CLASP2: variants seen among roughly 807,000 people sequenced by gnomAD.
CLASP2 encodes the protein cytoplasmic linker associated protein 2, also known as CLIP-associating protein 2.
In CLASP2, 47 loss-of-function variants were observed where a neutral mutation model predicts 194.4. The ratio of observed to expected loss-of-function variants is 0.24; its 90% CI spans 0.19 to 0.31. The LOEUF is 0.31. CLASP2 is among the 10% of genes least tolerant of loss of function. The pLI, the probability that CLASP2 is intolerant of heterozygous loss-of-function variation, is 1.00. For synonymous variants in CLASP2, 619 were observed against 633.5 expected (o/e 0.98, Z 0.34); for missense variants, 1,445 against 1,823.6 (o/e 0.79, Z 3.78).
intron 36 of CLASP2, among the ~76,000 whole-genome samples, chr3:33,514,244 C>T (rs1338466277): frequency 6.6e-6 from 1 of 152,178 alleles, no homozygotes; most frequent in Non-Finnish European, 1.5e-5. Context: ...TGCTTGGCCT[C>T]CCAAAGTGCT....
intron 34 of CLASP2, 92 bp from the exon 35 acceptor site, chr3:33,517,266 T>C: frequency 2.2e-6 from 2 of 929,682 alleles, no homozygotes; most frequent in East Asian, 2.9e-5. Context: ...AACACAGATA[T>C]AACCATCATG....
intron 7 of CLASP2, among the ~76,000 whole-genome samples, chr3:33,650,647 G>C (rs2154318435): frequency 6.6e-6 from 1 of 152,058 alleles, no homozygotes; most frequent in East Asian, 1.9e-4. Context: ...AGGAGAGGGA[G>C]AAGAGATGAA....
intron 7 of CLASP2, among the ~76,000 whole-genome samples, chr3:33,646,744 T>C (rs1243219913): frequency 6.6e-6 from 1 of 152,144 alleles, no homozygotes; most frequent in African/African-American, 2.4e-5. Flanking sequence ...CAGCAAAGTA[T>C]ACAAATCATA....
intron 7 of CLASP2, chr3:33,645,427 A>C: frequency 2.7e-6 from 2 of 733,960 alleles, no homozygotes; most frequent in African/African-American, 1.7e-5. Context: ...AGACAGAAAC[A>C]ACCACAGAAC....
At chr3:33,652,389 C>T (rs186340942) in intron 7 of CLASP2, among the ~76,000 whole-genome samples, 19 of 152,294 alleles carry the variant, frequency 1.2e-4, no homozygotes, top group African/African-American at 4.1e-4. Flanking sequence ...AACTATTATA[C>T]CACAGATACC....
intron 37 of CLASP2, chr3:33,503,989 G>A (rs925288109): frequency 6.6e-6 from 1 of 152,148 alleles, no homozygotes; most frequent in African/African-American, 2.4e-5. Context: ...TGAAGAAATA[G>A]CTATTCAAGT....
At chr3:33,612,174 C>A (rs1305329875) in intron 12 of CLASP2, 103 bp from the exon 13 acceptor site, 2 of 678,056 alleles carry the variant, frequency 2.9e-6, no homozygotes, top group South Asian at 2.0e-5. Flanking sequence ...TACAAGAGGA[C>A]AAAAAGACCA....
intron 7 of CLASP2, among the ~76,000 whole-genome samples, chr3:33,660,175 T>A (rs1453397712): frequency 6.6e-6 from 1 of 152,162 alleles, no homozygotes; most frequent in African/African-American, 2.4e-5. Flanking sequence ...AGTGTTTACA[T>A]CCTTGGTTTG....
chr3:33,626,385 A>C (rs1011194708), intron 10 of CLASP2, among the ~76,000 whole-genome samples: 33 of 152,160 alleles, frequency 2.2e-4, no homozygotes, highest in African/African-American at 7.2e-4. Context: ...TAAGTTCACA[A>C]ATTTAAAAAA....
At chr3:33,576,328 T>C (rs577970997) in intron 23 of CLASP2, 53 bp from the exon 24 acceptor site, 13 of 1,440,752 alleles carry the variant, frequency 9.0e-6, no homozygotes, top group East Asian at 2.3e-5. Flanking sequence ...AATATAACAG[T>C]GTCAGGTTGG....
chr3:33,710,891 C>G (rs561703522), intron 1 of CLASP2, among the ~76,000 whole-genome samples: 2 of 151,902 alleles, frequency 1.3e-5, no homozygotes, highest in African/African-American at 4.8e-5. Flanking sequence ...GCTGAGATCA[C>G]GCCACTGCAC....
intron 11 of CLASP2, 143 bp from the exon 12 acceptor site, chr3:33,619,881 A>G: frequency 1.5e-6 from 1 of 673,166 alleles, no homozygotes; most frequent in Non-Finnish European, 2.2e-6. Flanking sequence ...CAGAAGAAAG[A>G]AAGGGAAACC....
intron 3 of CLASP2, among the ~76,000 whole-genome samples, chr3:33,689,203 G>A (rs1385857918): frequency 2.6e-5 from 4 of 151,514 alleles, no homozygotes; most frequent in Non-Finnish European, 5.9e-5. Flanking sequence ...TTAAATGTGA[G>A]TAACCTGACT....
intron 17 of CLASP2, among the ~76,000 whole-genome samples, chr3:33,603,699 T>G (rs187020344): frequency 0.019 from 2,929 of 152,274 alleles, 53 homozygotes; most frequent in African/African-American, 0.045. Flanking sequence ...CTCGACTCAC[T>G]GCAACCTCCA....
At position 33,696,353 on chromosome 3, in the gene CLASP2, CTTTTTTTTTT is replaced by C. The variant is rs962854814; in HGVS notation, c.274+492_274+501del. Among the ~76,000 whole-genome samples, 18 of 52,738 alleles carry C rather than the reference CTTTTTTTTTT, an allele frequency of 3.4e-4. No individual in the cohort carries two copies. The Admixed American group carries it at 4.3e-3, about 12-fold the overall frequency. The allele number at this position is 52,738 out of a possible 152,430, so 34.6% of individuals were successfully genotyped here. On this transcript the variant is annotated intron_variant, in intron 2 of 38. Coordinates refer to ENST00000682230, the MANE Select transcript of CLASP2 (RefSeq NM_001365631.1). ...CCAGTAAAAACAATTTTCTTTCTTT[CTTTTTTTTTT>C]TTTTTTTTTTTTTTTGCCTCAAAGG... is the stretch of plus-strand genomic sequence containing the variant.
chr3:33,531,993 C>G (rs1240294443), intron 34 of CLASP2, among the ~76,000 whole-genome samples: 1 of 152,118 alleles, frequency 6.6e-6, no homozygotes, highest in African/African-American at 2.4e-5. Context: ...ACAGAACTAC[C>G]ATATGATCCA....
chr3:33,680,330 C>A (rs1414305754), intron 6 of CLASP2, among the ~76,000 whole-genome samples: 3 of 152,186 alleles, frequency 2.0e-5, no homozygotes, highest in African/African-American at 2.4e-5. Context: ...CCAAGGGTCA[C>A]CCCTAGTGCA....
At chr3:33,577,058 A>G (rs142577250) in intron 23 of CLASP2, 1 of 462,474 alleles carries the variant, frequency 2.2e-6, no homozygotes, top group Non-Finnish European at 3.2e-6. Context: ...TTGGGAGAAA[A>G]GAAAAAAAAA....
At chr3:33,607,592 A>G (rs1008617922) in intron 14 of CLASP2, 131 bp from the exon 15 acceptor site, 1 of 556,360 alleles carries the variant, frequency 1.8e-6, no homozygotes, top group Non-Finnish European at 3.1e-6. Flanking sequence ...ATTAGTGTAC[A>G]ATAATAAATC....
Sources: allele counts gnomAD v4.1 joint callset (sites outside exome capture counted in the v4.1 genomes callset), GRCh38; gene constraint gnomAD v4.1.1; transcripts MANE v1.5; gene names NCBI Gene and HGNC (gene_info 2026-07-23, HGNC 2026-07-21).